POLR2E: variants seen among roughly 807,000 people sequenced by gnomAD.
POLR2E encodes the protein DNA-directed RNA polymerases I, II, and III subunit RPABC1.
POLR2E carries 35 observed loss-of-function variants against 29.8 expected under a neutral mutation model. The observed-to-expected ratio is 1.17, with a 90% CI of 0.90 to 1.55. The LOEUF (loss-of-function observed/expected upper bound fraction) is 1.55, where lower values mean the gene tolerates loss of function less well. POLR2E is among the 40% of genes most tolerant of loss of function. POLR2E has a pLI of 0.00. For missense variants in POLR2E, 287 were observed against 288.6 expected, an observed-to-expected ratio of 0.99 and a Z score of 0.04; for synonymous variants, 174 against 112.6, an observed-to-expected ratio of 1.55 and a Z score of -3.45.
intron 2 of POLR2E, among the ~76,000 whole-genome samples, chr19:1,093,049 C>A (rs540649462): frequency 2.0e-5 from 3 of 151,656 alleles, no homozygotes; most frequent in Middle Eastern, 3.4e-3. Context: ...ACTAGCCAGG[C>A]GTGGTGGTGG....
At chr19:1,088,830 C>G (rs1400591175) in intron 7 of POLR2E, 110 bp from the exon 8 acceptor site, 2 of 152,742 alleles carry the variant, frequency 1.3e-5, no homozygotes, top group East Asian at 3.8e-4. Flanking sequence ...GGAGGCGGCC[C>G]AGGCCGCAGT....
chr19:1,094,126 G>A (rs1283971374), intron 1 of POLR2E, 48 bp from the exon 2 acceptor site: 8 of 1,555,372 alleles, frequency 5.1e-6, no homozygotes, highest in African/African-American at 1.4e-5. Context: ...AGAGGAAGGC[G>A]GCCAAAGCTC....
At position 1,090,941 on chromosome 19, in the gene POLR2E, C is replaced by G. The variant is rs2043815308; in HGVS notation, c.396G>C (p.Gln132His). ...CCGTGATGTTGATGAGCAGCTCCTG[C>G]TGCAGAAACTGCTCCAGGATGTACT... ...APKYILEQFL[Q>H]QELLINITEH... The change falls in exon 4 of 8, where the codon CAG becomes CAC. Residue 132 changes from glutamine to histidine, a missense_variant. Physicochemically the swap from Gln to His is conservative, Grantham distance 24. Coordinates refer to ENST00000615234, the MANE Select transcript of POLR2E (RefSeq NM_002695.5). 1 of 1,613,538 alleles carries G rather than the reference C, an allele frequency of 6.2e-7. No homozygotes were observed. Among genetic ancestry groups the G allele is most frequent in the Non-Finnish European group, 8.5e-7 (1 of 1,180,008 alleles).
Position 1,095,275 on chromosome 19 carries a change from C to A in POLR2E, c.41G>T (p.Arg14Leu). 6.2e-7 allele frequency: 1 copy of A among 1,613,252 alleles called. No individual in the cohort carries two copies. Among genetic ancestry groups the A allele is most frequent in the Middle Eastern group, 1.7e-4 (1 of 6,056 alleles). Residue 14 changes from arginine to leucine, a missense_variant, in exon 1 of 8, where the codon CGC becomes CTC. Coordinates refer to ENST00000615234, the MANE Select transcript of POLR2E (RefSeq NM_002695.5). ...GCGGCTCACCTGCATGATGGTCTTG[C>A]GGATTTTCCAGAGCCGGTACGTCTC... The part of the protein sequence containing the change: ...EEETYRLWKI[R>L]KTIMQLCHDR...
Position 1,087,279 on chromosome 19 carries a change from A to C in POLR2E, c.*1456T>G, listed in dbSNP as rs1451910857. 1 of 152,090 alleles carries C rather than the reference A, an allele frequency of 6.6e-6. No homozygotes were observed. Among genetic ancestry groups the C allele is most frequent in the Non-Finnish European group, 1.5e-5 (1 of 68,018 alleles). 9.4% of individuals were successfully genotyped at this position (152,090 alleles called of 1,614,324 possible). A position where few individuals can be genotyped will look rare whatever the true frequency, so the allele number is the denominator to read the frequency against. On this transcript the variant is annotated 3_prime_UTR_variant, in exon 8 of 8. Coordinates refer to ENST00000615234, the MANE Select transcript of POLR2E (RefSeq NM_002695.5). ...AGTGATTCTCCTGCCTTAGCTCCCA[A>C]GTAGCTGGGATTACAGGCATGCACC...
chr19:1,092,693 A>T (rs1186778426), intron 2 of POLR2E, among the ~76,000 whole-genome samples: 1 of 151,556 alleles, frequency 6.6e-6, no homozygotes, highest in Non-Finnish European at 1.5e-5. Flanking sequence ...GTCTCAAAAA[A>T]ATTAATTAAT....
intron 2 of POLR2E, 128 bp downstream of exon 2, chr19:1,093,775 GT>G: frequency 7.1e-7 from 1 of 1,417,620 alleles, no homozygotes; most frequent in Non-Finnish European, 9.2e-7. Flanking sequence ...GGGGAGGGGA[GT>G]TTTCCTCCCA....
At chr19:1,094,272 C>A (rs1358470910) in intron 1 of POLR2E, 194 bp from the exon 2 acceptor site, 2 of 545,634 alleles carry the variant, frequency 3.7e-6, no homozygotes, top group East Asian at 3.3e-5. Flanking sequence ...CCAGTATGAT[C>A]CTGAGAGGCT....
In POLR2E at chr19:1,095,112, C is replaced by T. The variant is rs577403786; in HGVS notation, c.57+147G>A. ...CAGGTCGGGTCCAGCGCCTGGTATC[C>T]CCGGCGACCTCTGGGCCTCCCGTAT... is the stretch of plus-strand genomic sequence containing the variant. On this transcript the variant is annotated intron_variant, in intron 1 of 7. Coordinates refer to ENST00000615234, the MANE Select transcript of POLR2E (RefSeq NM_002695.5). 2.0e-5 allele frequency: 16 copies of T among 781,226 alleles called. No homozygotes were observed. In the African/African-American group the frequency reaches 2.9e-4, roughly 14 times the overall value. 48.4% of individuals were successfully genotyped at this position (781,226 alleles called of 1,614,324 possible).
rs1044827134 is a variant in POLR2E at position 1,087,506 on chromosome 19, T to A, written c.*1229A>T. On this transcript the variant is annotated 3_prime_UTR_variant, in exon 8 of 8. Coordinates refer to ENST00000615234, the MANE Select transcript of POLR2E (RefSeq NM_002695.5). ...CTAAAACTGTGCACATGACACACTC[T>A]GTCCCCTCCCTCCTCCCCAGCCCTG... 1 of 152,238 alleles carries A rather than the reference T, an allele frequency of 6.6e-6. No individual in the cohort carries two copies. 9.4% of individuals were successfully genotyped at this position (152,238 alleles called of 1,614,324 possible). A position where few individuals can be genotyped will look rare whatever the true frequency, so the allele number is the denominator to read the frequency against.
rs142785323 is a variant in POLR2E at position 1,093,391 on chromosome 19, G to A, written c.232+513C>T. On this transcript the variant is annotated intron_variant, in intron 2 of 7. Transcript: ENST00000615234. ...CTTCCGCAAAGCAGGTGCTGAAACC[G>A]AGGGTCCCAGGGGTCCTGGGAAAAG... Among the ~76,000 whole-genome samples, 453 of 152,238 alleles carry A rather than the reference G, an allele frequency of 3.0e-3. 1 individual carries two copies. The highest frequency in any genetic ancestry group is 0.01 in the African/African-American group (427 of 41,558).
At position 1,089,957 on chromosome 19, in the gene POLR2E, A is replaced by G; in HGVS notation, c.494T>C (p.Leu165Pro). 1.3e-6 allele frequency: 2 copies of G among 1,597,584 alleles called. No homozygotes were observed. The highest frequency in any genetic ancestry group is 1.7e-6 in the Non-Finnish European group (2 of 1,175,430). ...EVTELLARYK[L>P]RENQLPRIQA... ...GATCCTGGGCAGCTGGTTCTCTCGG[A>G]GCTTACTGCGAAGCACCGTCAGGAA... Residue 165 changes from leucine (L) to proline (P), a missense_variant, in exon 6 of 8, where the codon CTC becomes CCC. By Grantham distance (98) the Leu-to-Pro change is moderately conservative. Coordinates refer to ENST00000615234, the MANE Select transcript of POLR2E (RefSeq NM_002695.5).
intron 2 of POLR2E, among the ~76,000 whole-genome samples, chr19:1,093,462 G>T (rs1375322598): frequency 6.6e-6 from 1 of 152,206 alleles, no homozygotes; most frequent in African/African-American, 2.4e-5. Flanking sequence ...CGCTGACAGG[G>T]GAGAGGGGGC....
At chr19:1,090,846 C>T (rs2043813306) in intron 4 of POLR2E, 62 bp downstream of exon 4, 1 of 1,420,454 alleles carries the variant, frequency 7.0e-7, no homozygotes, top group East Asian at 2.3e-5. Flanking sequence ...TCTTCCTGGC[C>T]ACCCACAAAC....
chr19:1,091,980 AC>A, intron 2 of POLR2E, 73 bp from the exon 3 acceptor site: 1 of 1,053,742 alleles, frequency 9.5e-7, no homozygotes, highest in Non-Finnish European at 1.5e-6. Flanking sequence ...AGCCCAGAGC[AC>A]CCAGGTTCCA....
At chr19:1,090,505 T>A in intron 4 of POLR2E, among the ~76,000 whole-genome samples, 1 of 139,906 alleles carries the variant, frequency 7.1e-6, no homozygotes, top group Admixed American at 7.5e-5. Flanking sequence ...TTGCTCTGTC[T>A]CCCAGGCTGG....
chr19:1,092,512 T>G, intron 2 of POLR2E, among the ~76,000 whole-genome samples: 1 of 151,462 alleles, frequency 6.6e-6, no homozygotes, highest in South Asian at 2.1e-4. Context: ...CCACCCTGGC[T>G]AACAAGGTGA....
chr19:1,093,593 A>C, intron 2 of POLR2E: 1 of 398,194 alleles, frequency 2.5e-6, no homozygotes, highest in Non-Finnish European at 4.0e-6. Flanking sequence ...AACGGCCAGG[A>C]TGGGGGAGCC....
Position 1,095,327 on chromosome 19 carries a change from C to T in POLR2E, c.-12G>A. 6.2e-7 allele frequency: 1 copy of T among 1,612,120 alleles called. No individual in the cohort carries two copies. The highest frequency in any genetic ancestry group is 8.5e-7 in the Non-Finnish European group (1 of 1,179,448). ...TCCTCGTCGTCCATGGCAGCCTCCG[C>T]CGCCGCCGCCGCTCGCACCCCTTCT... On this transcript the variant is annotated 5_prime_UTR_variant, in exon 1 of 8. Transcript: ENST00000615234.
Sources: allele counts gnomAD v4.1 joint callset (sites outside exome capture counted in the v4.1 genomes callset), GRCh38; gene constraint gnomAD v4.1.1; transcripts MANE v1.5; gene names NCBI Gene and HGNC (gene_info 2026-07-23, HGNC 2026-07-21).